The following RDX variants were observed in gnomAD, a reference collection of about 807,000 sequenced individuals.
RDX encodes the protein radixin.
A neutral mutation model predicts 83.7 loss-of-function variants in RDX; 32 were observed. That is an observed-to-expected ratio of 0.38 (90% CI 0.29 to 0.51). The LOEUF (loss-of-function observed/expected upper bound fraction) is 0.51, where lower values mean the gene tolerates loss of function less well. Among genes scored for constraint, RDX ranks in the 20% least tolerant of loss-of-function variants. RDX has a pLI of 0.87. For synonymous variants in RDX, 229 were observed against 222.7 expected, an observed-to-expected ratio of 1.03 and a Z score of -0.25; for missense variants, 600 against 689.9, an observed-to-expected ratio of 0.87 and a Z score of 1.46.
chr11:110,235,684 G>C (rs1391538928), intron 12 of RDX, among the ~76,000 whole-genome samples: 1 of 152,102 alleles, frequency 6.6e-6, no homozygotes, highest in African/African-American at 2.4e-5. Context: ...TAACATTTCT[G>C]AACAACACTA....
At chr11:110,237,106 T>C (rs1260958694) in intron 11 of RDX, among the ~76,000 whole-genome samples, 2 of 149,756 alleles carry the variant, frequency 1.3e-5, no homozygotes, top group Non-Finnish European at 3.0e-5. Context: ...AACTATAACA[T>C]ATTATATATC....
chr11:110,243,227 A>AAAAAACC (rs1865170908), intron 10 of RDX, among the ~76,000 whole-genome samples: 2 of 152,194 alleles, frequency 1.3e-5, no homozygotes, highest in Non-Finnish European at 2.9e-5. Context: ...TAAAAAAAGA[A>AAAAAACC]AAAAACCAAA....
At chr11:110,210,792 G>C (rs1231992948) in intron 14 of RDX, among the ~76,000 whole-genome samples, 1 of 151,960 alleles carries the variant, frequency 6.6e-6, no homozygotes, top group South Asian at 2.1e-4. Context: ...CAAATGCTGA[G>C]AGATTTTGTC....
At chr11:110,261,949 A>G (rs578079167) in intron 5 of RDX, among the ~76,000 whole-genome samples, 3 of 152,322 alleles carry the variant, frequency 2.0e-5, no homozygotes, top group East Asian at 3.9e-4. Flanking sequence ...CTGCTCAACC[A>G]AACAGCAATC....
At chr11:110,262,137 T>G (rs765356597) in intron 5 of RDX, among the ~76,000 whole-genome samples, 6 of 152,180 alleles carry the variant, frequency 3.9e-5, no homozygotes, top group Non-Finnish European at 8.8e-5. Context: ...ATGAAGAATC[T>G]TAGGTTAGAA....
At chr11:110,232,465 A>C (rs531643845) in intron 13 of RDX, among the ~76,000 whole-genome samples, 1 of 152,298 alleles carries the variant, frequency 6.6e-6, no homozygotes, top group East Asian at 1.9e-4. Flanking sequence ...TATTGGGAAA[A>C]AAGAAAGCTC....
intron 1 of RDX, among the ~76,000 whole-genome samples, chr11:110,289,450 T>C (rs1228478801): frequency 6.6e-6 from 1 of 152,148 alleles, no homozygotes; most frequent in East Asian, 1.9e-4. Flanking sequence ...TATACTAACT[T>C]TGCTGAATAG....
chr11:110,201,106 T>G (rs1267813888), intron 14 of RDX, among the ~76,000 whole-genome samples: 1 of 147,906 alleles, frequency 6.8e-6, no homozygotes, highest in Non-Finnish European at 1.5e-5. Flanking sequence ...AACCTGGGAG[T>G]TGGAGGTTAC....
intron 10 of RDX, among the ~76,000 whole-genome samples, chr11:110,247,370 C>T (rs1591148285): frequency 1.3e-5 from 2 of 151,994 alleles, no homozygotes; most frequent in Middle Eastern, 6.8e-3. Flanking sequence ...TCTTTAAATG[C>T]CATAATGTAT....
intron 1 of RDX, among the ~76,000 whole-genome samples, chr11:110,280,882 A>T (rs1339461066): frequency 1.3e-5 from 2 of 151,940 alleles, no homozygotes; most frequent in African/African-American, 4.8e-5. Flanking sequence ...GCCATAACTA[A>T]GGCTGGGCAT....
At chr11:110,282,081 C>T (rs530867824) in intron 1 of RDX, among the ~76,000 whole-genome samples, 76 of 151,598 alleles carry the variant, frequency 5.0e-4, no homozygotes, top group African/African-American at 1.7e-3. Context: ...AGAGCAAGAC[C>T]CCATCTCAAA....
intron 2 of RDX, among the ~76,000 whole-genome samples, chr11:110,275,933 C>T (rs1393602352): frequency 6.6e-6 from 1 of 151,772 alleles, no homozygotes; most frequent in African/African-American, 2.4e-5. Context: ...TACAGGCATG[C>T]ACCACCATGC....
chr11:110,238,031 A>C (rs1238862730), intron 10 of RDX: 1 of 206,166 alleles, frequency 4.9e-6, no homozygotes, highest in African/African-American at 2.3e-5. Context: ...TTTATTTTTA[A>C]AAAATAATCT....
At chr11:110,235,053 A>G (rs1269191497) in intron 12 of RDX, among the ~76,000 whole-genome samples, 1 of 152,150 alleles carries the variant, frequency 6.6e-6, no homozygotes, top group Non-Finnish European at 1.5e-5. Flanking sequence ...TAGGACTCAT[A>G]TTAGAAATCT....
chr11:110,228,904 G>A (rs547051965), downstream of RDX, among the ~76,000 whole-genome samples: 1 of 151,810 alleles, frequency 6.6e-6, no homozygotes, highest in South Asian at 2.1e-4. Flanking sequence ...AAATAATAAA[G>A]TGACAGTTAA....
chr11:110,236,990 T>C (rs1864879568), intron 11 of RDX, among the ~76,000 whole-genome samples: 1 of 152,096 alleles, frequency 6.6e-6, no homozygotes, highest in Non-Finnish European at 1.5e-5. Context: ...AGCAAGTACA[T>C]GTGTGAACTA....
At chr11:110,178,549 G>A (rs1225995263) in intron 15 of RDX, among the ~76,000 whole-genome samples, 1 of 152,212 alleles carries the variant, frequency 6.6e-6, no homozygotes, top group Non-Finnish European at 1.5e-5. Flanking sequence ...TGCAACCAAT[G>A]ATCATGCTGT....
At chr11:110,245,855 A>C (rs180889698) in intron 10 of RDX, among the ~76,000 whole-genome samples, 6 of 152,078 alleles carry the variant, frequency 3.9e-5, no homozygotes, top group African/African-American at 7.2e-5. Context: ...CATTATACCA[A>C]CTCTTTTCTG....
At chr11:110,226,893 GTATT>G (rs1864452891), downstream of RDX, among the ~76,000 whole-genome samples, 3 of 152,096 alleles carry the variant, frequency 2.0e-5, no homozygotes, top group African/African-American at 7.2e-5. Flanking sequence ...CGTATACTGA[GTATT>G]CATTCATATT....
Sources: gnomAD v4.1 joint callset for allele counts (sites outside exome capture counted in the v4.1 genomes callset) on GRCh38, gnomAD v4.1.1 for gene constraint, MANE v1.5 for transcripts, NCBI Gene and HGNC (gene_info 2026-07-23, HGNC 2026-07-21) for gene names.